Variants in GLYATL2 observed in about 807,000 individuals in gnomAD.
GLYATL2 encodes the protein glycine-N-acyltransferase like 2, also known as glycine N-acyltransferase-like protein 2.
In GLYATL2, 25 loss-of-function variants were observed where a neutral mutation model predicts 21.4. The observed-to-expected ratio is 1.17, with a 90% CI of 0.85 to 1.63. The LOEUF is 1.63. Ranked by LOEUF, GLYATL2 falls within the 40% of genes most tolerant of loss-of-function variation. GLYATL2 has a pLI of 0.00. For synonymous variants in GLYATL2, 114 were observed against 118.2 expected (o/e 0.96, Z 0.23); for missense variants, 361 against 343.3 (o/e 1.05, Z -0.41).
At position 58,837,063 on chromosome 11, in the gene GLYATL2, G is replaced by A. The variant is rs1237092591; in HGVS notation, c.428C>T (p.Thr143Ile). 6 of 1,613,668 alleles carry A rather than the reference G, an allele frequency of 3.7e-6. No homozygotes were observed. Among genetic ancestry groups the A allele is most frequent in the Non-Finnish European group, 5.1e-6 (6 of 1,179,750 alleles). ...FIPELPKKHKTSSNDKMELFE... is the reference protein window; with the variant it reads ...FIPELPKKHKISSNDKMELFE... Reference sequence around the variant, plus strand: ...TAACTCCATCTTGTCATTACTTGAGGTCTTGTGTTTCTTTGGTAATTCCGG... The same window carrying A: ...TAACTCCATCTTGTCATTACTTGAGATCTTGTGTTTCTTTGGTAATTCCGG... Residue 143 changes from threonine to isoleucine, a missense_variant, in exon 5 of 6, where the codon ACC (threonine) becomes ATC (isoleucine). Physicochemically the swap from Thr to Ile is moderately conservative, Grantham distance 89. Transcript: ENST00000287275.
chr11:58,878,646 G>A (rs1291292739), intron 1 of GLYATL2, among the ~76,000 whole-genome samples: 1 of 152,146 alleles, frequency 6.6e-6, no homozygotes, highest in African/African-American at 2.4e-5. Flanking sequence ...AGGGATTTTG[G>A]TGTACCCCTT....
intron 1 of GLYATL2, among the ~76,000 whole-genome samples, chr11:58,876,861 T>A (rs12363706): frequency 0.012 from 1,896 of 152,354 alleles, 11 homozygotes; most frequent in South Asian, 0.039. Flanking sequence ...TGCTGTCTTT[T>A]GTTTTTCTGT....
intron 1 of GLYATL2, among the ~76,000 whole-genome samples, chr11:58,863,269 G>T (rs1853964048): frequency 6.6e-6 from 1 of 152,208 alleles, no homozygotes; most frequent in African/African-American, 2.4e-5. Context: ...GTCTGCAGGT[G>T]CTAGCTAGGT....
At chr11:58,877,157 A>G (rs1854250273) in intron 1 of GLYATL2, among the ~76,000 whole-genome samples, 1 of 152,206 alleles carries the variant, frequency 6.6e-6, no homozygotes, top group African/African-American at 2.4e-5. Flanking sequence ...TTAGGGTGGG[A>G]GTAACCCGAT....
chr11:58,899,946 C>T (rs2134629218), intron 1 of GLYATL2, among the ~76,000 whole-genome samples: 1 of 152,158 alleles, frequency 6.6e-6, no homozygotes, highest in Non-Finnish European at 1.5e-5. Flanking sequence ...GGATAGATTT[C>T]ACCCCTCTCT....
chr11:58,893,878 A>AC (rs1854589233), intron 1 of GLYATL2, among the ~76,000 whole-genome samples: 3 of 152,068 alleles, frequency 2.0e-5, no homozygotes, highest in South Asian at 2.1e-4. Flanking sequence ...TTAAATAAAT[A>AC]CCCCTGTTTA....
chr11:58,902,510 T>C (rs1854757400), intron 1 of GLYATL2, among the ~76,000 whole-genome samples: 1 of 152,232 alleles, frequency 6.6e-6, no homozygotes, highest in African/African-American at 2.4e-5. Context: ...TTTGCAACTC[T>C]AAATACAGAC....
At chr11:58,905,980 C>T (rs1189882276), upstream of GLYATL2, among the ~76,000 whole-genome samples, 2 of 152,216 alleles carry the variant, frequency 1.3e-5, no homozygotes, top group African/African-American at 2.4e-5. Flanking sequence ...GGCTCCCTCC[C>T]GCGCGCCAGC....
chr11:58,876,797 C>A (rs747788099), intron 1 of GLYATL2, among the ~76,000 whole-genome samples: 15 of 152,198 alleles, frequency 9.9e-5, no homozygotes, highest in African/African-American at 1.4e-4. Flanking sequence ...GCTGGGAGAA[C>A]CATTACTCTC....
chr11:58,899,126 A>G (rs1010855276), intron 1 of GLYATL2, among the ~76,000 whole-genome samples: 7 of 152,214 alleles, frequency 4.6e-5, no homozygotes, highest in Non-Finnish European at 1.0e-4. Flanking sequence ...CACAAAGCTA[A>G]TAAGAAGTGG....
At chr11:58,898,496 T>A (rs908050658) in intron 1 of GLYATL2, among the ~76,000 whole-genome samples, 4 of 147,160 alleles carry the variant, frequency 2.7e-5, no homozygotes, top group Non-Finnish European at 3.0e-5. Context: ...TTTTTTTTTT[T>A]ATCTGCTCTT....
chr11:58,896,729 T>TGTTTG (rs1854642157), intron 1 of GLYATL2, among the ~76,000 whole-genome samples: 2 of 40,208 alleles, frequency 5.0e-5, no homozygotes, highest in African/African-American at 9.8e-5. Flanking sequence ...AACTTAAACG[T>TGTTTG]GTTTGTTTTG....
At chr11:58,872,891 A>G (rs1854152036) in intron 1 of GLYATL2, among the ~76,000 whole-genome samples, 1 of 152,134 alleles carries the variant, frequency 6.6e-6, no homozygotes, top group Admixed American at 6.5e-5. Context: ...GGCCATTTTC[A>G]CGATATTGAT....
rs1853483113 is a variant in GLYATL2 at position 58,838,473 on chromosome 11, A to G, written c.79-105T>C. ...GACATGAGAAATAAGGACAAGAAGTATAGGAGGACTTAGGATGGGCCAGTG... is the reference window on the plus strand; with the variant it reads ...GACATGAGAAATAAGGACAAGAAGTGTAGGAGGACTTAGGATGGGCCAGTG... On this transcript the variant is annotated intron_variant, in intron 2 of 5. Transcript: ENST00000287275. 3 of 694,850 alleles carry G rather than the reference A, an allele frequency of 4.3e-6. No individual in the cohort carries two copies. The Admixed American group carries it at 8.0e-5, about 18-fold the overall frequency. 43.0% of individuals were successfully genotyped at this position (694,850 alleles called of 1,614,324 possible).
At chr11:58,894,476 CAAAAAAA>C (rs1554980634) in intron 1 of GLYATL2, among the ~76,000 whole-genome samples, 19 of 116,554 alleles carry the variant, frequency 1.6e-4, no homozygotes, top group African/African-American at 6.1e-4. Context: ...GCAGCTATAG[CAAAAAAA>C]AAAAAAAAAA....
chr11:58,879,243 T>A (rs559037096), intron 1 of GLYATL2, among the ~76,000 whole-genome samples: 14 of 152,098 alleles, frequency 9.2e-5, no homozygotes, highest in African/African-American at 3.1e-4. Context: ...AATTCTAAAA[T>A]AAGAAATAAA....
At chr11:58,842,109 G>A (rs1853563681) in intron 1 of GLYATL2, among the ~76,000 whole-genome samples, 1 of 152,104 alleles carries the variant, frequency 6.6e-6, no homozygotes, top group South Asian at 2.1e-4. Flanking sequence ...GACATAGAAA[G>A]GTGACAGAAA....
At chr11:58,838,582 A>T (rs914358178) in intron 2 of GLYATL2, among the ~76,000 whole-genome samples, 5 of 152,106 alleles carry the variant, frequency 3.3e-5, no homozygotes, top group Non-Finnish European at 7.3e-5. Flanking sequence ...CCAAGTTAAT[A>T]CCTGAGTCAT....
At chr11:58,862,755 A>G (rs1175151513) in intron 1 of GLYATL2, among the ~76,000 whole-genome samples, 2 of 152,190 alleles carry the variant, frequency 1.3e-5, no homozygotes, top group African/African-American at 4.8e-5. Flanking sequence ...GTGTATTTTA[A>G]AGACAATTAT....
Sources: allele counts gnomAD v4.1 joint callset (sites outside exome capture counted in the v4.1 genomes callset), GRCh38; gene constraint gnomAD v4.1.1; transcripts MANE v1.5; gene names NCBI Gene and HGNC (gene_info 2026-07-23, HGNC 2026-07-21).